WDR17: variants seen among roughly 807,000 people sequenced by gnomAD.
WDR17 encodes the protein WD repeat domain 17.
Under a neutral mutation model 161.7 loss-of-function variants are expected in WDR17, and 143 were observed. The observed-to-expected ratio is 0.88, with a 90% CI of 0.77 to 1.02. The LOEUF is 1.02. Ranked by LOEUF, WDR17 falls within the 50% of genes least tolerant of loss-of-function variation. WDR17 has a pLI of 0.00. For synonymous variants in WDR17, 517 were observed against 515.6 expected (o/e 1.00, Z -0.04); for missense variants, 1,469 against 1,520.9 (o/e 0.97, Z 0.57).
chr4:176,067,657 A>T (rs898760647), intron 1 of WDR17, among the ~76,000 whole-genome samples: 1 of 152,164 alleles, frequency 6.6e-6, no homozygotes, highest in Non-Finnish European at 1.5e-5. Flanking sequence ...AAATAATTCC[A>T]TAGATTAGAA....
intron 3 of WDR17, among the ~76,000 whole-genome samples, chr4:176,117,296 C>T (rs1740799874): frequency 6.6e-6 from 1 of 151,890 alleles, no homozygotes; most frequent in Admixed American, 6.6e-5. Context: ...TAGGTTACTC[C>T]ATTACTGTTT....
At chr4:176,123,797 G>A (rs990518455) in intron 4 of WDR17, among the ~76,000 whole-genome samples, 8 of 152,230 alleles carry the variant, frequency 5.3e-5, no homozygotes, top group Non-Finnish European at 8.8e-5. Context: ...TTGGCCCTTG[G>A]CGATCAGCCT....
intron 7 of WDR17, among the ~76,000 whole-genome samples, chr4:176,132,634 T>G (rs867831443): frequency 9.8e-4 from 149 of 152,114 alleles, no homozygotes; most frequent in African/African-American, 3.4e-3. Flanking sequence ...AGCAAAAATA[T>G]TTTTAAAATA....
intron 1 of WDR17, among the ~76,000 whole-genome samples, chr4:176,102,660 C>T (rs1738004135): frequency 6.6e-6 from 1 of 152,114 alleles, no homozygotes; most frequent in Admixed American, 6.6e-5. Context: ...TATTATTCTG[C>T]ACTAAAAAGC....
chr4:176,172,372 T>C lies in WDR17; in HGVS notation c.3103-3T>C, dbSNP rs1299359430. 3 of 1,601,860 alleles carry C rather than the reference T, an allele frequency of 1.9e-6. No homozygotes were observed. Among genetic ancestry groups the C allele is most frequent in the Middle Eastern group, 1.7e-4 (1 of 6,042 alleles). ...CATTGTTTTCAAATCAATTATTTTC[T>C]AGTGTAAGCTACCCACAGTGGAAGA... is the stretch of plus-strand genomic sequence containing the variant. On this transcript the variant is annotated splice_polypyrimidine_tract_variant and splice_region_variant and intron_variant, in intron 23 of 28. Coordinates refer to ENST00000508596, the MANE Select transcript of WDR17 (RefSeq NM_181265.4).
chr4:176,150,115 A>G lies in WDR17; in HGVS notation c.2120A>G (p.Glu707Gly). The G allele has an allele frequency of 6.2e-7, 1 of 1,613,994 alleles. No individual in the cohort carries two copies. Among genetic ancestry groups the G allele is most frequent in the Non-Finnish European group, 8.5e-7 (1 of 1,179,966 alleles). ...KVSRDIRQEI[E>G]KLTANSQVKK... ...TCAAGAGATATTAGACAGGAAATAG[A>G]AAAACTAACTGCTAATTCTCAAGTG... Residue 707 changes from glutamate to glycine, a missense_variant, in exon 15 of 29, where the codon GAA becomes GGA. Coordinates refer to ENST00000508596, the MANE Select transcript of WDR17 (RefSeq NM_181265.4).
chr4:176,102,269 A>C (rs1737943468), intron 1 of WDR17, among the ~76,000 whole-genome samples: 1 of 152,164 alleles, frequency 6.6e-6, no homozygotes, highest in Admixed American at 6.5e-5. Flanking sequence ...AATGTTCAAC[A>C]TCATTTGTCT....
At chr4:176,129,662 T>C (rs964461599) in intron 6 of WDR17, among the ~76,000 whole-genome samples, 57 of 152,180 alleles carry the variant, frequency 3.7e-4, no homozygotes, top group African/African-American at 1.3e-3. Context: ...ATATACCAAG[T>C]AATTAGCAAT....
intron 8 of WDR17, among the ~76,000 whole-genome samples, chr4:176,136,117 T>G (rs1328186104): frequency 6.6e-6 from 1 of 151,650 alleles, no homozygotes; most frequent in Non-Finnish European, 1.5e-5. Flanking sequence ...AGTATCTTAG[T>G]ACTCAGATTT....
intron 18 of WDR17, among the ~76,000 whole-genome samples, chr4:176,159,275 G>GCA (rs367571276): frequency 9.5e-4 from 90 of 94,410 alleles, no homozygotes; most frequent in East Asian, 2.0e-3. Flanking sequence ...ACACACACAT[G>GCA]CACACACACA....
intron 1 of WDR17, among the ~76,000 whole-genome samples, chr4:176,076,236 TA>T (rs1477709155): frequency 2.7e-5 from 1 of 37,024 alleles, no homozygotes; most frequent in African/African-American, 6.1e-5. Flanking sequence ...TATATATATA[TA>T]TATATATATA....
At chr4:176,077,811 A>G (rs1432041991) in intron 1 of WDR17, among the ~76,000 whole-genome samples, 1 of 152,064 alleles carries the variant, frequency 6.6e-6, no homozygotes, top group Non-Finnish European at 1.5e-5. Flanking sequence ...AGCCTCAAGC[A>G]ATTCTACATA....
chr4:176,166,006 A>C (rs1749720769), intron 22 of WDR17: 1 of 498,030 alleles, frequency 2.0e-6, no homozygotes, highest in Non-Finnish European at 3.6e-6. Flanking sequence ...ATCATTTATA[A>C]AGATGTGCAT....
In WDR17 at chr4:176,115,963, A is replaced by G. The variant is rs752695461; in HGVS notation, c.291A>G (p.Lys97=). 24 of 1,605,700 alleles carry G rather than the reference A, an allele frequency of 1.5e-5. No homozygotes were observed. In the South Asian group the frequency reaches 2.6e-4, roughly 17 times the overall value. ...TTGCAGAACAAAAAGTCATTGCTAA[A>G]CTCGACAGTACAAAAGGTATAATTA... ...WNVAEQKVIA[K]LDSTKGIPAS... The change falls in exon 3 of 29, where the codon AAA becomes AAG. Residue 97 remains lysine, a synonymous_variant. Coordinates refer to ENST00000508596, the MANE Select transcript of WDR17 (RefSeq NM_181265.4).
intron 1 of WDR17, among the ~76,000 whole-genome samples, chr4:176,101,981 A>G (rs556370916): frequency 6.6e-6 from 1 of 152,338 alleles, no homozygotes; most frequent in East Asian, 1.9e-4. Flanking sequence ...AGCACTTTTT[A>G]GATACAAAAG....
rs1744225693 is a variant in WDR17, at chr4:176,135,279, A to C, written c.1267+3A>C. Reference sequence around the variant, plus strand: ...TTATTCCCTTTCTTGGGCTCCAGGTAAGAGATATTTTATTGAAATTAGGAA... The same window carrying C: ...TTATTCCCTTTCTTGGGCTCCAGGTCAGAGATATTTTATTGAAATTAGGAA... On this transcript the variant is annotated splice_donor_region_variant and intron_variant, in intron 8 of 28. Transcript: ENST00000508596. The C allele has an allele frequency of 6.2e-7, 1 of 1,611,592 alleles. No individual in the cohort carries two copies. Among genetic ancestry groups the C allele is most frequent in the African/African-American group, 1.3e-5 (1 of 74,840 alleles).
At chr4:176,076,876 A>G (rs1734113168) in intron 1 of WDR17, among the ~76,000 whole-genome samples, 1 of 152,060 alleles carries the variant, frequency 6.6e-6, no homozygotes, top group South Asian at 2.1e-4. Flanking sequence ...TGGATCAATT[A>G]TATCACTATT....
At chr4:176,176,383 T>C (rs1359835683) in intron 26 of WDR17, among the ~76,000 whole-genome samples, 2 of 152,102 alleles carry the variant, frequency 1.3e-5, no homozygotes, top group Non-Finnish European at 2.9e-5. Context: ...ACCCACTAAA[T>C]ATGTGAGTCC....
intron 26 of WDR17, among the ~76,000 whole-genome samples, chr4:176,176,135 T>C (rs1751425974): frequency 6.6e-6 from 1 of 152,138 alleles, no homozygotes; most frequent in South Asian, 2.1e-4. Flanking sequence ...GTTTAATATG[T>C]TCAGCTATAT....
Sources: gnomAD v4.1 joint callset for allele counts (sites outside exome capture counted in the v4.1 genomes callset) on GRCh38, gnomAD v4.1.1 for gene constraint, MANE v1.5 for transcripts, NCBI Gene and HGNC (gene_info 2026-07-23, HGNC 2026-07-21) for gene names.